EPHB1: variants seen among roughly 807,000 people sequenced by gnomAD.
EPHB1 encodes the protein EPH receptor B1.
In EPHB1, 30 loss-of-function variants were observed where a neutral mutation model predicts 94.4. The observed-to-expected ratio is 0.32, with a 90% CI of 0.24 to 0.43. The LOEUF is 0.43. Ranked by LOEUF, EPHB1 falls within the 20% of genes least tolerant of loss-of-function variation. The probability of loss-of-function intolerance (pLI) is 1.00; values close to 1 mark genes in which losing one functional copy is unlikely to be tolerated. For synonymous variants in EPHB1, 522 were observed against 489.1 expected (o/e 1.07, Z -0.89); for missense variants, 1,055 against 1,308.3 (o/e 0.81, Z 2.99).
At chr3:135,058,812 T>G (rs1353008341) in intron 3 of EPHB1, among the ~76,000 whole-genome samples, 1 of 152,214 alleles carries the variant, frequency 6.6e-6, no homozygotes, top group Non-Finnish European at 1.5e-5. Flanking sequence ...ATGAGCGGCT[T>G]GTAGGTGGGT....
chr3:135,080,703 CCTGTA>C (rs1938134509), intron 3 of EPHB1, among the ~76,000 whole-genome samples: 1 of 152,048 alleles, frequency 6.6e-6, no homozygotes, highest in East Asian at 1.9e-4. Context: ...ACACACCTTC[CCTGTA>C]CTTTGATCAG....
chr3:135,028,072 C>T (rs1326773629), intron 3 of EPHB1, among the ~76,000 whole-genome samples: 18 of 145,458 alleles, frequency 1.2e-4, no homozygotes, highest in African/African-American at 2.0e-4. Context: ...GTGGTGATAT[C>T]CCCTTTATCA....
chr3:134,860,328 G>A (rs1284183319), intron 1 of EPHB1, among the ~76,000 whole-genome samples: 1 of 152,140 alleles, frequency 6.6e-6, no homozygotes, highest in Non-Finnish European at 1.5e-5. Context: ...GCACCTAAGT[G>A]TAGACCAACT....
At chr3:134,982,540 T>C (rs1934444929) in intron 3 of EPHB1, among the ~76,000 whole-genome samples, 1 of 152,198 alleles carries the variant, frequency 6.6e-6, no homozygotes, top group African/African-American at 2.4e-5. Flanking sequence ...ATCAGCTCTG[T>C]CCCTCAGTCT....
At chr3:135,156,499 C>T (rs1941359693) in intron 6 of EPHB1, among the ~76,000 whole-genome samples, 1 of 152,204 alleles carries the variant, frequency 6.6e-6, no homozygotes, top group Non-Finnish European at 1.5e-5. Flanking sequence ...ATTACTTAAC[C>T]ACTCTAGGTC....
At chr3:135,103,078 C>T (rs1052980348) in intron 3 of EPHB1, among the ~76,000 whole-genome samples, 6 of 151,764 alleles carry the variant, frequency 4.0e-5, no homozygotes, top group African/African-American at 1.5e-4. Flanking sequence ...ACCACAATGG[C>T]ACATGTATCC....
rs397966930 is a variant in EPHB1, at chr3:134,811,242, G to GTTTTTTTTTTTTTTTTTTTTTTTTTTTTT, written c.58+15574_58+15575insTTTTTTTTTTTTTTTTTTTTTTTTTTTTT. ...TCTCATAGTTGCCCCTACTAAGAAG[G>GTTTTTTTTTTTTTTTTTTTTTTTTTTTTT]TTTTTTTTTTTTTTTTTTTTTCTGT... On this transcript the variant is annotated intron_variant, in intron 1 of 15. Transcript: ENST00000398015. Among the ~76,000 whole-genome samples the GTTTTTTTTTTTTTTTTTTTTTTTTTTTTT allele has an allele frequency of 8.4e-4, 62 of 73,886 alleles. 17 individuals are homozygous for GTTTTTTTTTTTTTTTTTTTTTTTTTTTTT. Among genetic ancestry groups the GTTTTTTTTTTTTTTTTTTTTTTTTTTTTT allele is most frequent in the Middle Eastern group, 0.024 (2 of 84 alleles). 48.5% of individuals were successfully genotyped at this position (73,886 alleles called of 152,430 possible). A position where few individuals can be genotyped will look rare whatever the true frequency, so the allele number is the denominator to read the frequency against.
At chr3:135,062,508 C>T (rs1395318012) in intron 3 of EPHB1, among the ~76,000 whole-genome samples, 1 of 152,010 alleles carries the variant, frequency 6.6e-6, no homozygotes. Context: ...ATTGTCTATT[C>T]ATGTCCTTAG....
intron 4 of EPHB1, among the ~76,000 whole-genome samples, chr3:135,111,998 C>G (rs1221263142): frequency 6.6e-6 from 1 of 152,204 alleles, no homozygotes; most frequent in Admixed American, 6.5e-5. Context: ...CTTGAGTGGT[C>G]AGAGCAGTGT....
At chr3:135,240,139 A>T (rs1464593226) in intron 12 of EPHB1, among the ~76,000 whole-genome samples, 1 of 151,966 alleles carries the variant, frequency 6.6e-6, no homozygotes, top group Admixed American at 6.6e-5. Context: ...ACCCACTCTC[A>T]TCTTCACCTT....
At chr3:135,141,609 G>A (rs1166608673) in intron 5 of EPHB1, among the ~76,000 whole-genome samples, 2 of 152,154 alleles carry the variant, frequency 1.3e-5, no homozygotes, top group Non-Finnish European at 2.9e-5. Flanking sequence ...AGGACAGTGA[G>A]GTCCTGCTAC....
At chr3:134,908,832 A>G (rs1323206853) in intron 1 of EPHB1, among the ~76,000 whole-genome samples, 1 of 152,128 alleles carries the variant, frequency 6.6e-6, no homozygotes, top group Non-Finnish European at 1.5e-5. Context: ...AGAGTCCTTC[A>G]GGTCCTGCAC....
At chr3:134,845,144 A>G (rs920751501) in intron 1 of EPHB1, among the ~76,000 whole-genome samples, 2 of 152,270 alleles carry the variant, frequency 1.3e-5, no homozygotes, top group African/African-American at 2.4e-5. Context: ...GGTCAGTAGA[A>G]TGCTATTGAT....
intron 2 of EPHB1, among the ~76,000 whole-genome samples, chr3:134,948,134 C>G (rs749592491): frequency 6.6e-6 from 1 of 152,020 alleles, no homozygotes; most frequent in Non-Finnish European, 1.5e-5. Flanking sequence ...GTGACTGTCT[C>G]AGTGCTAAGG....
intron 1 of EPHB1, among the ~76,000 whole-genome samples, chr3:134,922,928 A>G (rs1441385390): frequency 6.6e-6 from 1 of 152,230 alleles, no homozygotes; most frequent in African/African-American, 2.4e-5. Context: ...CCCCTGTTTC[A>G]GGCCCACCTG....
At chr3:134,897,960 C>A (rs996568051) in intron 1 of EPHB1, among the ~76,000 whole-genome samples, 3 of 152,198 alleles carry the variant, frequency 2.0e-5, no homozygotes, top group African/African-American at 7.2e-5. Flanking sequence ...GTAGCACCCC[C>A]CTGTGTTTCA....
In EPHB1 at chr3:135,047,589, G is replaced by T. The variant is rs140721181; in HGVS notation, c.806-58859G>T. On this transcript the variant is annotated intron_variant, in intron 3 of 15. Coordinates refer to ENST00000398015, the MANE Select transcript of EPHB1 (RefSeq NM_004441.5). The stretch of plus-strand genomic sequence containing the variant: ...CAGCTCTCAGCTTTATGTACTCAGA[G>T]GTCCCCGAGGCTGTGTGCTTTCTCT... 1.7e-4 allele frequency among the ~76,000 whole-genome samples: 26 copies of T among 152,194 alleles called. No homozygotes were observed. In the East Asian group the frequency reaches 4.5e-3, roughly 26 times the overall value.
At chr3:135,030,592 C>T (rs926285958) in intron 3 of EPHB1, among the ~76,000 whole-genome samples, 5 of 152,228 alleles carry the variant, frequency 3.3e-5, no homozygotes, top group Non-Finnish European at 5.9e-5. Context: ...CTCAGATCTC[C>T]AGCTGCGTCC....
intron 12 of EPHB1, among the ~76,000 whole-genome samples, chr3:135,217,061 T>G (rs907203797): frequency 6.6e-6 from 1 of 152,014 alleles, no homozygotes. Flanking sequence ...AGAGAAAAGG[T>G]CAAGAGGATG....
Sources: allele counts gnomAD v4.1 joint callset (sites outside exome capture counted in the v4.1 genomes callset), GRCh38; gene constraint gnomAD v4.1.1; transcripts MANE v1.5; gene names NCBI Gene and HGNC (gene_info 2026-07-23, HGNC 2026-07-21).